The following LAMA3 variants were observed in gnomAD, a reference collection of about 807,000 sequenced individuals.
LAMA3 encodes laminin subunit alpha 3, also known as laminin subunit alpha-3.
Under a neutral mutation model 402.0 loss-of-function variants are expected in LAMA3, and 281 were observed. That is an observed-to-expected ratio of 0.70 (90% confidence interval 0.63 to 0.77). The LOEUF (loss-of-function observed/expected upper bound fraction) is 0.77. Ranked by LOEUF, LAMA3 falls within the 30% of genes least tolerant of loss-of-function variation. The pLI is 0.00. For missense variants in LAMA3, 3,840 were observed against 4,215.5 expected, an observed-to-expected ratio of 0.91 and a Z score of 2.47; for synonymous variants, 1,431 against 1,558.4, an observed-to-expected ratio of 0.92 and a Z score of 1.93.
At chr18:23,811,347 C>T (rs919750633) in intron 13 of LAMA3, among the ~76,000 whole-genome samples, 5 of 152,180 alleles carry the variant, frequency 3.3e-5, no homozygotes, top group African/African-American at 1.2e-4. Flanking sequence ...AATGTGGTTT[C>T]TCAGACCCCT....
At chr18:23,788,496 A>G (rs1199061570) in intron 12 of LAMA3, among the ~76,000 whole-genome samples, 1 of 152,012 alleles carries the variant, frequency 6.6e-6, no homozygotes, top group Non-Finnish European at 1.5e-5. Flanking sequence ...GGAATAGAGG[A>G]ACAAAAAATA....
At chr18:23,729,581 G>C (rs540688376) in intron 2 of LAMA3, among the ~76,000 whole-genome samples, 118 of 152,284 alleles carry the variant, frequency 7.7e-4, no homozygotes, top group African/African-American at 2.5e-3. Context: ...TTCAACATCT[G>C]CTTCAAAAGG....
chr18:23,842,486 C>T lies in LAMA3; in HGVS notation c.3428C>T (p.Ala1143Val), dbSNP rs370147317. The stretch of plus-strand genomic sequence containing the variant: ...CAAGCAGCGCACCCGACGTTTCCCG[C>T]GCAGGTGTCGGTGGATGGCGGGTGG... ...FYQAAHPTFP[A>V]QVSVDGGWPR... The change falls in exon 28 of 75, where the codon GCG (alanine) becomes GTG (valine). Residue 1143 changes from alanine (A) to valine (V), a missense_variant. Physicochemically the swap from Ala to Val is moderately conservative, Grantham distance 64. Around this residue, in one of 3 missense-constraint regions of LAMA3, gnomAD observed 2,109 missense variants for 2,376.0 expected, o/e 0.89. Coordinates refer to ENST00000313654, the MANE Select transcript of LAMA3 (RefSeq NM_198129.4). 11 of 1,614,228 alleles carry T rather than the reference C, an allele frequency of 6.8e-6. No individual in the cohort carries two copies. Among genetic ancestry groups the T allele is most frequent in the African/African-American group, 2.7e-5 (2 of 75,064 alleles).
intron 2 of LAMA3, among the ~76,000 whole-genome samples, chr18:23,741,384 C>T: frequency 6.6e-6 from 1 of 152,046 alleles, no homozygotes; most frequent in Admixed American, 6.5e-5. Context: ...GTATTTTCAT[C>T]CCTGGCCTTG....
intron 1 of LAMA3, among the ~76,000 whole-genome samples, chr18:23,699,666 C>T (rs2060755836): frequency 6.6e-6 from 1 of 152,134 alleles, no homozygotes; most frequent in Non-Finnish European, 1.5e-5. Flanking sequence ...TGGCCTGGCC[C>T]ACATTGTAAA....
intron 32 of LAMA3, among the ~76,000 whole-genome samples, chr18:23,854,857 C>T (rs1330927348): frequency 2.7e-5 from 4 of 150,880 alleles, no homozygotes; most frequent in South Asian, 2.1e-4. Context: ...TGGTGGTAGG[C>T]GCCTGTAGTC....
At chr18:23,777,680 A>G (rs1187010085) in intron 11 of LAMA3, 61 bp downstream of exon 11, 1 of 1,258,868 alleles carries the variant, frequency 7.9e-7, no homozygotes, top group Non-Finnish European at 1.2e-6. Flanking sequence ...TTCTTTTCCT[A>G]CTTCCTGTGT....
chr18:23,770,080 G>C (rs2062162126), intron 8 of LAMA3, among the ~76,000 whole-genome samples: 1 of 152,032 alleles, frequency 6.6e-6, no homozygotes, highest in Non-Finnish European at 1.5e-5. Context: ...TAACAATAGA[G>C]CTTTAAAATA....
intron 74 of LAMA3, 35 bp downstream of exon 74, chr18:23,953,144 CTG>C: frequency 1.2e-6 from 2 of 1,612,000 alleles, no homozygotes; most frequent in South Asian, 2.2e-5. Context: ...ATGTGTTGCC[CTG>C]TGTCAGCTCT....
intron 2 of LAMA3, among the ~76,000 whole-genome samples, chr18:23,719,841 A>G (rs1329469456): frequency 6.6e-6 from 1 of 152,124 alleles, no homozygotes; most frequent in East Asian, 1.9e-4. Flanking sequence ...TGGTTGGCTG[A>G]TGAGGTCACT....
intron 1 of LAMA3, among the ~76,000 whole-genome samples, chr18:23,706,484 C>G (rs2060891319): frequency 1.3e-5 from 2 of 152,108 alleles, no homozygotes; most frequent in South Asian, 2.1e-4. Context: ...AAACTTGGGT[C>G]TACTGAATAC....
intron 54 of LAMA3, among the ~76,000 whole-genome samples, chr18:23,908,397 A>G (rs1043675664): frequency 7.9e-5 from 12 of 151,578 alleles, no homozygotes; most frequent in Non-Finnish European, 1.2e-4. Flanking sequence ...AGGCGTGGTG[A>G]TGGGCGCCTG....
chr18:23,775,696 A>T, intron 9 of LAMA3, 96 bp from the exon 10 acceptor site: 2 of 1,384,644 alleles, frequency 1.4e-6, no homozygotes, highest in Non-Finnish European at 2.0e-6. Flanking sequence ...TAGACCAAGG[A>T]TCAAGTATGG....
At chr18:23,810,596 C>T in intron 13 of LAMA3, 93 bp downstream of exon 13, 1 of 1,306,308 alleles carries the variant, frequency 7.7e-7, no homozygotes, top group Non-Finnish European at 1.1e-6. Flanking sequence ...CCCACAGACT[C>T]ACCACTGGCC....
intron 2 of LAMA3, among the ~76,000 whole-genome samples, chr18:23,730,394 A>T (rs1598665346): frequency 8.3e-6 from 1 of 120,644 alleles, no homozygotes; most frequent in South Asian, 2.7e-4. Context: ...TTTGAGACGG[A>T]GTCTCGCTCT....
intron 13 of LAMA3, among the ~76,000 whole-genome samples, chr18:23,812,297 G>A (rs1188529631): frequency 6.6e-5 from 10 of 152,254 alleles, no homozygotes; most frequent in Admixed American, 5.2e-4. Flanking sequence ...AGCTATGATC[G>A]TGCCACTGCA....
At chr18:23,782,811 T>TTTTC (rs1555693108) in intron 11 of LAMA3, among the ~76,000 whole-genome samples, 1 of 151,310 alleles carries the variant, frequency 6.6e-6, no homozygotes, top group African/African-American at 2.4e-5. Context: ...TTTTTTTTTT[T>TTTTC]CATCTATAAA....
intron 38 of LAMA3, among the ~76,000 whole-genome samples, chr18:23,874,972 T>C (rs1422923021): frequency 6.6e-6 from 1 of 152,154 alleles, no homozygotes; most frequent in Non-Finnish European, 1.5e-5. Flanking sequence ...CAAGCGATCC[T>C]CCCACCTCAA....
rs779090997 is a variant in LAMA3, at chr18:23,915,393, C to G, written c.7749C>G (p.Leu2583=). The change falls in exon 59 of 75, where the codon CTC becomes CTG. Residue 2583 remains leucine, a synonymous_variant. Transcript: ENST00000313654. ...ACAACTTCAAAAAAACATTCAATCT[C>G]AACACAACTGAAGTGGAGCCTTGTA... is the stretch of plus-strand genomic sequence containing the variant. The part of the protein sequence containing the change: ...SLYNFKKTFN[L]NTTEVEPCRR... 3 of 1,613,668 alleles carry G rather than the reference C, an allele frequency of 1.9e-6. No homozygotes were observed. In the East Asian group the frequency reaches 6.7e-5, roughly 36 times the overall value.
Sources: allele counts gnomAD v4.1 joint callset (sites outside exome capture counted in the v4.1 genomes callset), GRCh38; gene constraint gnomAD v4.1.1; regional missense constraint gnomAD v4.1.1; transcripts MANE v1.5; gene names NCBI Gene and HGNC (gene_info 2026-07-23, HGNC 2026-07-21).